Variants in EYS observed in about 807,000 individuals in gnomAD.
EYS encodes EGF-like photoreceptor maintenance factor.
A neutral mutation model predicts 282.1 loss-of-function variants in EYS; 250 were observed. The observed-to-expected ratio is 0.89, with a 90% CI of 0.80 to 0.98. EYS has a LOEUF of 0.98. EYS is among the 50% of genes least tolerant of loss of function. The pLI, the probability that EYS is intolerant of heterozygous loss-of-function variation, is 0.00. For synonymous variants in EYS, 1,355 were observed against 1,282.9 expected, an observed-to-expected ratio of 1.06 and a Z score of -1.20; for missense variants, 4,016 against 3,709.0, an observed-to-expected ratio of 1.08 and a Z score of -2.15.
chr6:64,307,292 A>G (rs1372899118), intron 29 of EYS, among the ~76,000 whole-genome samples: 2 of 152,116 alleles, frequency 1.3e-5, no homozygotes, highest in Non-Finnish European at 2.9e-5. Flanking sequence ...TATTATGAAT[A>G]ATGCTGCAAT....
intron 26 of EYS, among the ~76,000 whole-genome samples, chr6:64,458,801 T>C (rs1415599056): frequency 6.6e-6 from 1 of 152,180 alleles, no homozygotes; most frequent in African/African-American, 2.4e-5. Flanking sequence ...CTATATTTTT[T>C]ATGCTAAATA....
At chr6:64,546,638 T>C (rs1764880601) in intron 26 of EYS, among the ~76,000 whole-genome samples, 1 of 152,172 alleles carries the variant, frequency 6.6e-6, no homozygotes, top group Non-Finnish European at 1.5e-5. Context: ...AAAGGGCTAA[T>C]ATCCAGAACC....
rs1278655951 is a variant in EYS, at chr6:64,655,325, A to G, written c.3444-29080T>C. Among the ~76,000 whole-genome samples, 3 of 142,614 alleles carry G rather than the reference A, an allele frequency of 2.1e-5. No individual in the cohort carries two copies. In the East Asian group the frequency reaches 6.0e-4, roughly 29 times the overall value. 93.6% of individuals were successfully genotyped at this position (142,614 alleles called of 152,430 possible). Reference sequence around the variant, plus strand: ...TTTTGATAAAATAAGTAGGTTTCATATTTTTAAAATATGCTTTTGAATCTT... The same window carrying G: ...TTTTGATAAAATAAGTAGGTTTCATGTTTTTAAAATATGCTTTTGAATCTT... On this transcript the variant is annotated intron_variant, in intron 22 of 42. Coordinates refer to ENST00000503581, the MANE Select transcript of EYS (RefSeq NM_001142800.2).
At chr6:64,225,300 C>A (rs1284454791) in intron 31 of EYS, among the ~76,000 whole-genome samples, 5 of 151,972 alleles carry the variant, frequency 3.3e-5, no homozygotes, top group Non-Finnish European at 7.4e-5. Context: ...ATAATGGCCT[C>A]CTGAAGATGT....
chr6:65,151,010 A>C (rs1764598635), intron 12 of EYS, among the ~76,000 whole-genome samples: 1 of 152,020 alleles, frequency 6.6e-6, no homozygotes, highest in African/African-American at 2.4e-5. Flanking sequence ...AATCTTCAAA[A>C]TGTTTCTTGA....
chr6:65,629,573 T>A (rs1012433122), intron 2 of EYS, among the ~76,000 whole-genome samples: 3 of 152,196 alleles, frequency 2.0e-5, no homozygotes, highest in African/African-American at 7.2e-5. Flanking sequence ...ATGCAGTTTC[T>A]TCTTCTCCCT....
In EYS at chr6:64,390,995, G is replaced by T. The variant is rs554333451; in HGVS notation, c.5928-2155C>A. 2.0e-5 allele frequency among the ~76,000 whole-genome samples: 3 copies of T among 152,256 alleles called. No individual in the cohort carries two copies. The East Asian group carries it at 5.8e-4, about 29-fold the overall frequency. ...GAAGAATGCAGAAGCCTCAGGAGCC[G>T]ATGCGAATCAACTGAAAGAAAGGGT... On this transcript the variant is annotated intron_variant, in intron 28 of 42. Transcript: ENST00000503581.
intron 2 of EYS, among the ~76,000 whole-genome samples, chr6:65,556,349 C>T (rs1424276309): frequency 1.3e-5 from 2 of 149,088 alleles, no homozygotes; most frequent in East Asian, 2.0e-4. Flanking sequence ...ATTTCCCTTA[C>T]AGCTTTACTA....
At chr6:64,612,999 T>C (rs1767159369) in intron 24 of EYS, among the ~76,000 whole-genome samples, 1 of 152,164 alleles carries the variant, frequency 6.6e-6, no homozygotes, top group South Asian at 2.1e-4. Flanking sequence ...AAAAGCCTTA[T>C]TGCTTTGAAT....
At chr6:64,983,635 T>G (rs1055186971) in intron 14 of EYS, among the ~76,000 whole-genome samples, 3 of 151,586 alleles carry the variant, frequency 2.0e-5, no homozygotes, top group South Asian at 4.1e-4. Flanking sequence ...TTTTTACTTC[T>G]GTTGTACTAG....
intron 12 of EYS, among the ~76,000 whole-genome samples, chr6:65,170,356 G>A (rs12209342): frequency 0.092 from 13,978 of 151,442 alleles, 727 homozygotes; most frequent in African/African-American, 0.14. Context: ...ATTTTAAAAT[G>A]AACTGACATT....
chr6:64,613,097 G>A (rs1449067062), intron 24 of EYS, among the ~76,000 whole-genome samples: 1 of 152,118 alleles, frequency 6.6e-6, no homozygotes, highest in African/African-American at 2.4e-5. Context: ...TACACAGATT[G>A]CATGTGCTAC....
intron 26 of EYS, among the ~76,000 whole-genome samples, chr6:64,458,084 C>G (rs148113383): frequency 6.6e-6 from 1 of 151,914 alleles, no homozygotes; most frequent in Non-Finnish European, 1.5e-5. Context: ...CCATTTACGG[C>G]CCACATTGTA....
intron 22 of EYS, among the ~76,000 whole-genome samples, chr6:64,742,573 C>T (rs965621431): frequency 6.6e-6 from 1 of 152,034 alleles, no homozygotes; most frequent in Non-Finnish European, 1.5e-5. Context: ...GTTAAATGTT[C>T]TTCACATACA....
chr6:65,126,829 T>G (rs950198835), intron 12 of EYS, among the ~76,000 whole-genome samples: 1 of 152,102 alleles, frequency 6.6e-6, no homozygotes, highest in African/African-American at 2.4e-5. Context: ...TGGGGGATGG[T>G]GCTCAGAAAG....
At chr6:64,714,516 CTTTTTTTTTTTTTT>C (rs55730437) in intron 22 of EYS, among the ~76,000 whole-genome samples, 2 of 127,928 alleles carry the variant, frequency 1.6e-5, no homozygotes, top group Admixed American at 7.9e-5. Flanking sequence ...TTCTTTCTTT[CTTTTTTTTTTTTTT>C]TTTTTTTTTT....
chr6:64,593,295 C>T lies in EYS; in HGVS notation c.3699G>A (p.Gly1233=). The T allele has an allele frequency of 6.5e-7, 1 of 1,549,052 alleles. No homozygotes were observed. Among genetic ancestry groups the T allele is most frequent in the Non-Finnish European group, 8.7e-7 (1 of 1,145,614 alleles). ...TCCTTATTTCATCACCACAAAGAAG[C>T]CCAATGGAGCAGGTCTGCAAATGAC... ...CTPGFMTCSI[G]LLCGDEIRRI... Residue 1233 remains glycine, a synonymous_variant, in exon 25 of 43, where the codon GGG becomes GGA. Coordinates refer to ENST00000503581, the MANE Select transcript of EYS (RefSeq NM_001142800.2).
intron 22 of EYS, among the ~76,000 whole-genome samples, chr6:64,744,349 C>T (rs954264369): frequency 6.6e-6 from 1 of 152,092 alleles, no homozygotes; most frequent in African/African-American, 2.4e-5. Context: ...ACAGATGCTG[C>T]TTGTTTTGTG....
intron 24 of EYS, among the ~76,000 whole-genome samples, chr6:64,604,202 G>A (rs1766853307): frequency 6.6e-6 from 1 of 151,834 alleles, no homozygotes; most frequent in Admixed American, 6.6e-5. Flanking sequence ...TATTTTCCTA[G>A]GTTATCCACA....
Sources: allele counts gnomAD v4.1 joint callset (sites outside exome capture counted in the v4.1 genomes callset), GRCh38; gene constraint gnomAD v4.1.1; transcripts MANE v1.5; gene names NCBI Gene and HGNC (gene_info 2026-07-23, HGNC 2026-07-21).